The following CRACR2A variants were observed in gnomAD, a reference collection of about 807,000 sequenced individuals.
CRACR2A encodes calcium release activated channel regulator 2A, also known as EF-hand calcium-binding domain-containing protein 4B.
CRACR2A carries 79 observed loss-of-function variants against 90.5 expected under a neutral mutation model. That is an observed-to-expected ratio of 0.87 (90% CI 0.73 to 1.05). The LOEUF is 1.05. Ranked by LOEUF, CRACR2A falls within the 50% of genes least tolerant of loss-of-function variation. The probability of loss-of-function intolerance (pLI) is 0.00; values close to 1 mark genes in which losing one functional copy is unlikely to be tolerated. For synonymous variants in CRACR2A, 338 were observed against 356.7 expected, an observed-to-expected ratio of 0.95 and a Z score of 0.59; for missense variants, 823 against 897.2, an observed-to-expected ratio of 0.92 and a Z score of 1.06.
chr12:3,624,125 CACA>C (rs1180127287), intron 17 of CRACR2A, among the ~76,000 whole-genome samples: 1 of 152,232 alleles, frequency 6.6e-6, no homozygotes, highest in African/African-American at 2.4e-5. Context: ...TCCCACCCCA[CACA>C]ACCTCTTCCA....
chr12:3,723,870 T>C (rs1946220946), intron 2 of CRACR2A, among the ~76,000 whole-genome samples: 1 of 152,180 alleles, frequency 6.6e-6, no homozygotes, highest in Admixed American at 6.5e-5. Context: ...CATTACAGTG[T>C]CAGTCATATG....
In CRACR2A at chr12:3,671,898, A is replaced by G. The variant is rs58415336; in HGVS notation, c.671+1548T>C. On this transcript the variant is annotated intron_variant, in intron 7 of 19. Transcript: ENST00000440314. ...CCCTATCTTACAGATAAGGAAGCTGAGACTCAGAGAGGTTAGGTAACTTGT... is the reference window on the plus strand; with the variant it reads ...CCCTATCTTACAGATAAGGAAGCTGGGACTCAGAGAGGTTAGGTAACTTGT... 1.4e-3 allele frequency among the ~76,000 whole-genome samples: 206 copies of G among 152,370 alleles called. 1 individual carries two copies. Among genetic ancestry groups the G allele is most frequent in the African/African-American group, 4.9e-3 (202 of 41,590 alleles).
chr12:3,621,026 C>A lies in CRACR2A; in HGVS notation c.1933-1654G>T, dbSNP rs183134396. Among the ~76,000 whole-genome samples the A allele has an allele frequency of 1.6e-3, 236 of 152,216 alleles. 1 individual carries two copies. Among genetic ancestry groups the A allele is most frequent in the Non-Finnish European group, 2.9e-3 (198 of 68,020 alleles). On this transcript the variant is annotated intron_variant, in intron 17 of 19. Transcript: ENST00000440314. ...GGATACTTGTGCGAAGAGCTTTTCA[C>A]GGAAAGGGAAGAAAGGAGGAGGAAG... is the stretch of plus-strand genomic sequence containing the variant.
At chr12:3,617,578 A>T (rs1323223989) in intron 18 of CRACR2A, among the ~76,000 whole-genome samples, 1 of 152,164 alleles carries the variant, frequency 6.6e-6, no homozygotes, top group African/African-American at 2.4e-5. Context: ...CGCACCAGTT[A>T]ATTAATACTC....
chr12:3,693,075 C>G (rs1444075324), intron 4 of CRACR2A, among the ~76,000 whole-genome samples: 1 of 152,180 alleles, frequency 6.6e-6, no homozygotes, highest in Non-Finnish European at 1.5e-5. Flanking sequence ...AGTGGCAGAA[C>G]AGGGTGCATG....
At chr12:3,653,217 G>A (rs1227710130) in intron 10 of CRACR2A, among the ~76,000 whole-genome samples, 1 of 150,436 alleles carries the variant, frequency 6.6e-6, no homozygotes, top group Non-Finnish European at 1.5e-5. Context: ...TCCTGACCTT[G>A]TAATCTGCCC....
chr12:3,748,923 T>G (rs1225828479), intron 1 of CRACR2A, among the ~76,000 whole-genome samples: 1 of 152,142 alleles, frequency 6.6e-6, no homozygotes, highest in African/African-American at 2.4e-5. Flanking sequence ...CTCTCCTGAG[T>G]CCTGTGAGGG....
chr12:3,619,412 T>C (rs1413583649), intron 17 of CRACR2A, 40 bp from the exon 18 acceptor site: 2 of 1,504,690 alleles, frequency 1.3e-6, no homozygotes, highest in Admixed American at 2.0e-5. Context: ...AGGGGTGTCA[T>C]AGGATTGCCC....
chr12:3,631,467 T>A (rs1944374097), intron 15 of CRACR2A, among the ~76,000 whole-genome samples: 1 of 152,118 alleles, frequency 6.6e-6, no homozygotes, highest in Admixed American at 6.5e-5. Flanking sequence ...GAGCCGAGAC[T>A]GTAGGGCCTC....
At chr12:3,672,995 G>T (rs947335157) in intron 7 of CRACR2A, among the ~76,000 whole-genome samples, 3 of 152,182 alleles carry the variant, frequency 2.0e-5, no homozygotes, top group Admixed American at 1.3e-4. Context: ...GTATGCTGGG[G>T]TCTTACTGCC....
At chr12:3,676,175 C>G in intron 6 of CRACR2A, among the ~76,000 whole-genome samples, 1 of 152,138 alleles carries the variant, frequency 6.6e-6, no homozygotes, top group East Asian at 1.9e-4. Flanking sequence ...CTGTTGTAAA[C>G]CTTGCACTGT....
intron 1 of CRACR2A, among the ~76,000 whole-genome samples, chr12:3,733,533 T>C (rs1946394764): frequency 6.6e-6 from 1 of 152,082 alleles, no homozygotes; most frequent in Admixed American, 6.5e-5. Context: ...CTGGCTCTTT[T>C]CCTCTGCTGG....
intron 3 of CRACR2A, among the ~76,000 whole-genome samples, chr12:3,702,604 C>G (rs887541002): frequency 6.6e-6 from 1 of 152,096 alleles, no homozygotes; most frequent in Non-Finnish European, 1.5e-5. Flanking sequence ...TACTTATACA[C>G]TGAAAGCTAT....
At chr12:3,750,071 G>A (rs941339090) in intron 1 of CRACR2A, among the ~76,000 whole-genome samples, 1 of 151,878 alleles carries the variant, frequency 6.6e-6, no homozygotes, top group Non-Finnish European at 1.5e-5. Flanking sequence ...GAATAGCTGG[G>A]ATTACAGGTG....
At chr12:3,635,898 CTTTGT>C (rs1944446121) in intron 14 of CRACR2A, among the ~76,000 whole-genome samples, 1 of 152,116 alleles carries the variant, frequency 6.6e-6, no homozygotes, top group Non-Finnish European at 1.5e-5. Context: ...TTTATATCAT[CTTTGT>C]TTTATTTACA....
chr12:3,658,014 A>G (rs1485653920), intron 8 of CRACR2A, among the ~76,000 whole-genome samples: 1 of 152,202 alleles, frequency 6.6e-6, no homozygotes. Flanking sequence ...AAGCCTTTGT[A>G]TCTAATGGCT....
At chr12:3,690,542 G>C (rs1471738194) in intron 4 of CRACR2A, among the ~76,000 whole-genome samples, 1 of 152,180 alleles carries the variant, frequency 6.6e-6, no homozygotes, top group African/African-American at 2.4e-5. Flanking sequence ...TATGATTTCA[G>C]TTCTTTTGTA....
At chr12:3,694,786 T>C (rs1945710130) in intron 4 of CRACR2A, among the ~76,000 whole-genome samples, 1 of 152,214 alleles carries the variant, frequency 6.6e-6, no homozygotes, top group Non-Finnish European at 1.5e-5. Context: ...CTTGCCAGCC[T>C]GAAGAACTAA....
At chr12:3,742,727 A>G (rs917378251) in intron 1 of CRACR2A, among the ~76,000 whole-genome samples, 10 of 152,224 alleles carry the variant, frequency 6.6e-5, no homozygotes, top group Non-Finnish European at 1.0e-4. Context: ...CACTCATGGA[A>G]CAGTCCTCCC....
Sources: gnomAD v4.1 joint callset for allele counts (sites outside exome capture counted in the v4.1 genomes callset) on GRCh38, gnomAD v4.1.1 for gene constraint, MANE v1.5 for transcripts, NCBI Gene and HGNC (gene_info 2026-07-23, HGNC 2026-07-21) for gene names.